MGAT4C: variants seen among roughly 807,000 people sequenced by gnomAD.
MGAT4C encodes the protein MGAT4 family member C.
Under a neutral mutation model 40.1 loss-of-function variants are expected in MGAT4C, and 19 were observed. The observed-to-expected ratio is 0.47, with a 90% CI of 0.33 to 0.70. The LOEUF (loss-of-function observed/expected upper bound fraction) is 0.70, where lower values mean the gene tolerates loss of function less well. Among genes scored for constraint, MGAT4C ranks in the 30% least tolerant of loss-of-function variants. The pLI, the probability that MGAT4C is intolerant of heterozygous loss-of-function variation, is 0.02. For synonymous variants in MGAT4C, 181 were observed against 187.1 expected (o/e 0.97, Z 0.27); for missense variants, 491 against 563.2 (o/e 0.87, Z 1.30).
intron 3 of MGAT4C, among the ~76,000 whole-genome samples, chr12:86,342,016 T>C (rs1377864179): frequency 6.6e-6 from 1 of 152,134 alleles, no homozygotes; most frequent in African/African-American, 2.4e-5. Context: ...ATGGCCAGAC[T>C]GCTTTTTTTA....
intron 1 of MGAT4C, among the ~76,000 whole-genome samples, chr12:86,797,880 T>A (rs1952157021): frequency 6.6e-6 from 1 of 152,042 alleles, no homozygotes. Flanking sequence ...TCTTTAATCT[T>A]ACAATTCATT....
At chr12:86,378,444 G>A (rs150291730) in intron 3 of MGAT4C, among the ~76,000 whole-genome samples, 3 of 152,170 alleles carry the variant, frequency 2.0e-5, no homozygotes, top group African/African-American at 7.2e-5. Context: ...TAATAAGGTG[G>A]AACAATATAA....
chr12:86,324,694 G>A (rs181011294), intron 4 of MGAT4C, among the ~76,000 whole-genome samples: 3 of 151,922 alleles, frequency 2.0e-5, no homozygotes, highest in East Asian at 3.9e-4. Context: ...AGAGAAACGA[G>A]AGTTGTTTTT....
intron 2 of MGAT4C, among the ~76,000 whole-genome samples, chr12:86,580,060 T>C (rs915954944): frequency 1.3e-5 from 2 of 151,558 alleles, no homozygotes; most frequent in African/African-American, 4.8e-5. Context: ...ATAATCTTCT[T>C]GTACTTGGAT....
At chr12:86,585,390 A>T (rs1163663789) in intron 2 of MGAT4C, among the ~76,000 whole-genome samples, 1 of 151,486 alleles carries the variant, frequency 6.6e-6, no homozygotes, top group Admixed American at 6.6e-5. Flanking sequence ...CTTTTTGTCT[A>T]TGACTCCTAA....
chr12:86,074,286 C>A (rs2221319), intron 1 of MGAT4C, among the ~76,000 whole-genome samples: 86,575 of 151,682 alleles, frequency 0.57, 25,546 homozygotes, highest in East Asian at 0.92. Flanking sequence ...AGTGTGAAAA[C>A]GAACTAATAC....
At chr12:86,579,592 T>C (rs1272195926) in intron 2 of MGAT4C, among the ~76,000 whole-genome samples, 1 of 151,598 alleles carries the variant, frequency 6.6e-6, no homozygotes, top group Non-Finnish European at 1.5e-5. Flanking sequence ...TTACACACCA[T>C]AGTTACAATG....
chr12:86,330,271 C>T (rs868205296), intron 4 of MGAT4C, among the ~76,000 whole-genome samples: 2 of 152,134 alleles, frequency 1.3e-5, no homozygotes, highest in African/African-American at 2.4e-5. Flanking sequence ...GCCATTAGTA[C>T]GTATCATTTT....
intron 1 of MGAT4C, among the ~76,000 whole-genome samples, chr12:86,806,277 T>A (rs1952351592): frequency 6.6e-6 from 1 of 151,994 alleles, no homozygotes; most frequent in African/African-American, 2.4e-5. Context: ...TTTCAAATGC[T>A]ACTATAAGAA....
At chr12:86,832,217 C>T (rs1010002610) in intron 1 of MGAT4C, among the ~76,000 whole-genome samples, 1 of 151,710 alleles carries the variant, frequency 6.6e-6, no homozygotes. Context: ...GCATGTCCCG[C>T]CACAAAACCA....
intron 1 of MGAT4C, among the ~76,000 whole-genome samples, chr12:86,156,080 C>T (rs1432151202): frequency 2.0e-5 from 3 of 152,246 alleles, no homozygotes; most frequent in Non-Finnish European, 4.4e-5. Flanking sequence ...TACATGCATA[C>T]ATGTACACAT....
At chr12:86,402,705 C>A (rs1956391277) in intron 3 of MGAT4C, among the ~76,000 whole-genome samples, 1 of 152,086 alleles carries the variant, frequency 6.6e-6, no homozygotes, top group African/African-American at 2.4e-5. Context: ...TAGACTCTAA[C>A]ATATAGTAGG....
intron 1 of MGAT4C, among the ~76,000 whole-genome samples, chr12:86,192,660 T>G (rs907377930): frequency 3.1e-4 from 47 of 152,248 alleles, no homozygotes; most frequent in African/African-American, 1.1e-3. Context: ...ACAGAGAAAT[T>G]TGAGGAATGT....
intron 4 of MGAT4C, among the ~76,000 whole-genome samples, chr12:86,278,684 A>T (rs897918623): frequency 3.3e-5 from 5 of 151,610 alleles, no homozygotes; most frequent in African/African-American, 9.7e-5. Context: ...ATTTGATGCA[A>T]TTTTTTTCTT....
intron 2 of MGAT4C, among the ~76,000 whole-genome samples, chr12:86,657,484 T>C (rs1963879240): frequency 6.6e-6 from 1 of 151,626 alleles, no homozygotes; most frequent in African/African-American, 2.4e-5. Context: ...AAAAAAGAAA[T>C]ACAGGAAAAT....
intron 1 of MGAT4C, among the ~76,000 whole-genome samples, chr12:86,740,322 A>G (rs1189059495): frequency 6.6e-6 from 1 of 151,124 alleles, no homozygotes; most frequent in African/African-American, 2.4e-5. Flanking sequence ...AGGATTCATT[A>G]TATTTTTATA....
intron 3 of MGAT4C, among the ~76,000 whole-genome samples, chr12:86,347,227 C>A (rs1351625765): frequency 6.6e-6 from 1 of 152,076 alleles, no homozygotes; most frequent in African/African-American, 2.4e-5. Context: ...TCTAGACAAA[C>A]CTGACTACTA....
intron 2 of MGAT4C, among the ~76,000 whole-genome samples, chr12:86,626,528 C>A (rs188252337): frequency 1.3e-5 from 2 of 152,108 alleles, no homozygotes; most frequent in East Asian, 3.9e-4. Context: ...CTCTATAAGG[C>A]AGTACAGATT....
intron 2 of MGAT4C, among the ~76,000 whole-genome samples, chr12:86,585,493 G>C (rs1438545665): frequency 6.6e-6 from 1 of 151,236 alleles, no homozygotes; most frequent in East Asian, 2.0e-4. Flanking sequence ...GAAAAATTTT[G>C]CCTAAAGGTA....
Sources: gnomAD v4.1 joint callset for allele counts (sites outside exome capture counted in the v4.1 genomes callset) on GRCh38, gnomAD v4.1.1 for gene constraint, MANE v1.5 for transcripts, NCBI Gene and HGNC (gene_info 2026-07-23, HGNC 2026-07-21) for gene names.